The following THOC2 variants were observed in gnomAD, a reference collection of about 807,000 sequenced individuals.
THOC2 encodes THO complex subunit 2, also known as THO complex 2.
Under a neutral mutation model 128.4 loss-of-function variants are expected in THOC2, and 10 were observed. The observed-to-expected ratio is 0.08, with a 90% CI of 0.05 to 0.13. The LOEUF is 0.13. Among genes scored for constraint, THOC2 ranks in the 10% least tolerant of loss-of-function variants. The pLI, the probability that THOC2 is intolerant of heterozygous loss-of-function variation, is 1.00. For synonymous variants in THOC2, 393 were observed against 396.9 expected (o/e 0.99, Z 0.12); for missense variants, 535 against 1,155.7 (o/e 0.46, Z 7.79).
intron 12 of THOC2, among the ~76,000 whole-genome samples, chrX:123,652,667 G>A (rs769206969): frequency 6.3e-5 from 7 of 111,421 alleles, no homozygotes; most frequent in Non-Finnish European, 7.5e-5. Flanking sequence ...GTGAACTCCC[G>A]TTCACAACTG....
intron 8 of THOC2, among the ~76,000 whole-genome samples, chrX:123,682,339 A>T (rs998053822): frequency 8.9e-6 from 1 of 111,851 alleles, no homozygotes; most frequent in Non-Finnish European, 1.9e-5. Flanking sequence ...TTCACTCAGT[A>T]TCAAAATCAA....
intron 28 of THOC2, 162 bp from the exon 29 acceptor site, chrX:123,623,445 C>T: frequency 1.6e-6 from 1 of 615,360 alleles, no homozygotes; most frequent in Non-Finnish European, 2.4e-6. Context: ...TTATAGAACG[C>T]CCAGCTTTCT....
intron 36 of THOC2, among the ~76,000 whole-genome samples, chrX:123,611,802 A>T (rs1297521047): frequency 3.7e-5 from 4 of 107,502 alleles, no homozygotes; most frequent in Non-Finnish European, 5.8e-5. Context: ...TCCAAAGTAC[A>T]TAAAGAACTC....
At chrX:123,645,490 T>C (rs2048085959) in intron 12 of THOC2, 115 bp from the exon 13 acceptor site, 1 of 410,000 alleles carries the variant, frequency 2.4e-6, no homozygotes, top group African/African-American at 2.5e-5. Flanking sequence ...TTGTTCTTAC[T>C]TTTTACAAAT....
intron 36 of THOC2, 47 bp from the exon 37 acceptor site, chrX:123,611,563 A>T: frequency 1.1e-6 from 1 of 891,015 alleles, no homozygotes; most frequent in Non-Finnish European, 1.6e-6. Context: ...GCCAAATATA[A>T]AAGCCAGCTC....
intron 32 of THOC2, chrX:123,620,606 C>A: frequency 4.2e-6 from 1 of 235,705 alleles, no homozygotes; most frequent in Non-Finnish European, 7.5e-6. Context: ...TTGTAGCTAC[C>A]ATTGCACTCC....
chrX:123,720,601 A>G (rs2147980010), intron 1 of THOC2, among the ~76,000 whole-genome samples: 1 of 112,246 alleles, frequency 8.9e-6, no homozygotes, highest in African/African-American at 3.2e-5. Context: ...GCACAGAGAT[A>G]GCTGCACTCC....
At chrX:123,638,161 C>T in intron 17 of THOC2, 38 bp from the exon 18 acceptor site, 1 of 924,568 alleles carries the variant, frequency 1.1e-6, no homozygotes. Context: ...CATTACATCT[C>T]TAATAAAGAC....
chrX:123,649,314 A>C (rs1421607160), intron 12 of THOC2, among the ~76,000 whole-genome samples: 1 of 111,694 alleles, frequency 9.0e-6, no homozygotes, highest in African/African-American at 3.3e-5. Flanking sequence ...TGAACGACAA[A>C]GACCAAAGGT....
At chrX:123,628,620 A>G (rs1412472772) in intron 22 of THOC2, among the ~76,000 whole-genome samples, 2 of 109,686 alleles carry the variant, frequency 1.8e-5, no homozygotes, top group Non-Finnish European at 3.8e-5. Context: ...CTGAGGTGAG[A>G]GGATCACTTG....
chrX:123,728,673 T>A (rs778509640), intron 1 of THOC2, among the ~76,000 whole-genome samples: 3 of 111,059 alleles, frequency 2.7e-5, no homozygotes, highest in African/African-American at 9.8e-5. Context: ...CCAAATATAC[T>A]TAAATAAGTT....
chrX:123,645,049 C>A lies in THOC2; in HGVS notation c.1429-140G>T, dbSNP rs1381859414. On this transcript the variant is annotated intron_variant, in intron 13 of 38. Transcript: ENST00000245838. ...TCCCATTCCTCACCCACCCTTTTCA[C>A]AAAGCTTATTTATGTTTCTCCATCG... 5 of 538,556 alleles carry A rather than the reference C, an allele frequency of 9.3e-6. No homozygotes were observed. In the East Asian group the frequency reaches 1.9e-4, roughly 20 times the overall value. 44.4% of individuals were successfully genotyped at this position (538,556 alleles called of 1,213,427 possible). A position where few individuals can be genotyped will look rare whatever the true frequency, so the allele number is the denominator to read the frequency against.
At chrX:123,620,588 T>G (rs989326735) in intron 32 of THOC2, 2 of 209,698 alleles carry the variant, frequency 9.5e-6, no homozygotes, top group African/African-American at 5.8e-5. Flanking sequence ...CTGAAAAGAT[T>G]CGTTTGCTTG....
intron 3 of THOC2, among the ~76,000 whole-genome samples, chrX:123,705,852 A>G (rs2147933381): frequency 8.9e-6 from 1 of 111,734 alleles, no homozygotes; most frequent in Non-Finnish European, 1.9e-5. Context: ...ACCTATTATA[A>G]AAGCTATTCT....
At chrX:123,692,648 T>C (rs940283928) in intron 7 of THOC2, among the ~76,000 whole-genome samples, 4 of 110,128 alleles carry the variant, frequency 3.6e-5, no homozygotes, top group African/African-American at 1.3e-4. Flanking sequence ...ATTACAGGCA[T>C]GTGCCACCAT....
At chrX:123,662,661 TAAC>T (rs201380652) in intron 12 of THOC2, among the ~76,000 whole-genome samples, 2,370 of 109,542 alleles carry the variant, frequency 0.022, 34 homozygotes, top group Non-Finnish European at 0.034. Context: ...AAAAGATAGT[TAAC>T]AAAATGAAAA....
intron 15 of THOC2, among the ~76,000 whole-genome samples, chrX:123,643,386 C>T (rs147541198): frequency 9.0e-6 from 1 of 111,690 alleles, no homozygotes; most frequent in East Asian, 2.8e-4. Context: ...AACTATAATA[C>T]ACCAGATAAA....
chrX:123,729,424 T>G (rs2052135168), intron 1 of THOC2, among the ~76,000 whole-genome samples: 1 of 111,917 alleles, frequency 8.9e-6, no homozygotes, highest in African/African-American at 3.2e-5. Context: ...CAGTTGTTTT[T>G]CATGGCGTAC....
intron 12 of THOC2, among the ~76,000 whole-genome samples, chrX:123,659,046 C>T (rs2048721084): frequency 8.9e-6 from 1 of 112,175 alleles, no homozygotes; most frequent in African/African-American, 3.2e-5. Flanking sequence ...CATGTTAGTG[C>T]TCTATAATTA....
Sources: allele counts gnomAD v4.1 joint callset (sites outside exome capture counted in the v4.1 genomes callset), GRCh38; gene constraint gnomAD v4.1.1; transcripts MANE v1.5; gene names NCBI Gene and HGNC (gene_info 2026-07-23, HGNC 2026-07-21).